PARP9: variants seen among roughly 807,000 people sequenced by gnomAD.
PARP9 encodes the protein poly(ADP-ribose) polymerase family member 9.
A neutral mutation model predicts 68.8 loss-of-function variants in PARP9; 48 were observed. That is an observed-to-expected ratio of 0.70 (90% CI 0.55 to 0.89). PARP9 has a LOEUF of 0.89. Ranked by LOEUF, PARP9 falls within the 40% of genes least tolerant of loss-of-function variation. The pLI, the probability that PARP9 is intolerant of heterozygous loss-of-function variation, is 0.00. For missense variants in PARP9, 806 were observed against 969.3 expected (o/e 0.83, Z 2.24); for synonymous variants, 309 against 333.8 (o/e 0.93, Z 0.81).
intron 5 of PARP9, among the ~76,000 whole-genome samples, chr3:122,552,162 C>G (rs961181437): frequency 4.6e-5 from 7 of 152,004 alleles, no homozygotes; most frequent in Non-Finnish European, 8.8e-5. Flanking sequence ...TCAAGTGATC[C>G]TCCCACCTTG....
intron 8 of PARP9, among the ~76,000 whole-genome samples, chr3:122,538,209 A>G (rs1278906260): frequency 1.3e-5 from 2 of 152,162 alleles, no homozygotes; most frequent in African/African-American, 4.8e-5. Context: ...TCATATTTAT[A>G]AGGTGTAATA....
Position 122,550,472 on chromosome 3 carries a change from A to G in PARP9, c.1326+112T>C. 4 of 876,128 alleles carry G rather than the reference A, an allele frequency of 4.6e-6. No individual in the cohort carries two copies. The South Asian group carries it at 6.7e-5, about 15-fold the overall frequency. The allele number at this position is 876,128 out of a possible 1,614,324, so 54.3% of individuals were successfully genotyped here. A position where few individuals can be genotyped will look rare whatever the true frequency, so the allele number is the denominator to read the frequency against. ...CCAAGTTAGAACACCACCACACTGT[A>G]CAGCACCTAGCCCTGCATCCCCTGC... On this transcript the variant is annotated intron_variant, in intron 6 of 10. Coordinates refer to ENST00000682323, the MANE Select transcript of PARP9 (RefSeq NM_001146105.2).
At chr3:122,556,487 CT>C (rs2079679957) in intron 3 of PARP9, among the ~76,000 whole-genome samples, 2 of 152,222 alleles carry the variant, frequency 1.3e-5, no homozygotes, top group East Asian at 3.9e-4. Flanking sequence ...AAGACCAATG[CT>C]TAGGGCACAG....
At chr3:122,534,193 T>C (rs113623029) in intron 10 of PARP9, 2 of 812,654 alleles carry the variant, frequency 2.5e-6, no homozygotes, top group Non-Finnish European at 3.0e-6. Context: ...AGACATAAAC[T>C]TAACCAGAAG....
At chr3:122,536,581 C>G in intron 9 of PARP9, 1 of 688,448 alleles carries the variant, frequency 1.5e-6, no homozygotes, top group African/African-American at 1.8e-5. Flanking sequence ...ATTCACTGAC[C>G]TAGACATAGT....
chr3:122,534,499 G>A (rs2077505887), intron 10 of PARP9: 1 of 921,440 alleles, frequency 1.1e-6, no homozygotes, highest in African/African-American at 1.8e-5. Context: ...CTTTCAACAT[G>A]AGAGTTTTCA....
Position 122,528,398 on chromosome 3 carries a change from C to G in PARP9, c.2426G>C (p.Trp809Ser). Reference sequence around the variant, plus strand: ...AGGGCTGCCACTTGCGAATCCCCTCCAAGGATGCTGTGCAAAGGGTCTCAT... The same window carrying G: ...AGGGCTGCCACTTGCGAATCCCCTCGAAGGATGCTGTGCAAAGGGTCTCAT... ...GPMRPFAQHP[W>S]RGFASGSPVD Residue 809 changes from tryptophan to serine, a missense_variant, in exon 11 of 11, where the codon TGG (tryptophan) becomes TCG (serine). By Grantham distance (177) the Trp-to-Ser change is radical. This residue lies in a region of PARP9 where 680 missense variants were observed against 858.8 expected (regional missense o/e 0.79). Transcript: ENST00000682323. 13 of 1,614,084 alleles carry G rather than the reference C, an allele frequency of 8.1e-6. No individual in the cohort carries two copies. The highest frequency in any genetic ancestry group is 1.1e-5 in the Non-Finnish European group (13 of 1,179,970).
chr3:122,547,164 G>A (rs1482556285), intron 6 of PARP9, among the ~76,000 whole-genome samples: 8 of 134,882 alleles, frequency 5.9e-5, no homozygotes, highest in East Asian at 4.3e-4. Context: ...GTGCAATCTC[G>A]GGTCACTGCA....
rs1419367879 is a variant in PARP9, at chr3:122,547,003, TATATATATATAC to T, written c.1327-1526_1327-1515del. 1.9e-3 allele frequency among the ~76,000 whole-genome samples: 198 copies of T among 103,264 alleles called. 1 individual carries two copies. The highest frequency in any genetic ancestry group is 0.014 in the East Asian group (41 of 2,964). 67.7% of individuals were successfully genotyped at this position (103,264 alleles called of 152,430 possible). ...ATATATATATATATATATATATATA[TATATATATATAC>T]ACACACACACATACACACACATATA... On this transcript the variant is annotated intron_variant, in intron 6 of 10. Transcript: ENST00000682323.
At chr3:122,543,755 G>T (rs540522804) in intron 7 of PARP9, among the ~76,000 whole-genome samples, 1 of 152,038 alleles carries the variant, frequency 6.6e-6, no homozygotes, top group Non-Finnish European at 1.5e-5. Flanking sequence ...GGGACTATAG[G>T]TATGCACCAC....
At chr3:122,560,031 A>C (rs2080055522) in intron 1 of PARP9, among the ~76,000 whole-genome samples, 1 of 152,178 alleles carries the variant, frequency 6.6e-6, no homozygotes, top group Admixed American at 6.5e-5. Flanking sequence ...TTAGAAGAAG[A>C]GGGTGATAAC....
chr3:122,564,642 G>A, upstream of PARP9: 2 of 1,568,866 alleles, frequency 1.3e-6, no homozygotes, highest in Non-Finnish European at 1.7e-6. Flanking sequence ...GGCTGCGAAA[G>A]CCCTCTGGGG....
chr3:122,561,622 A>C (rs1374033692), intron 1 of PARP9, among the ~76,000 whole-genome samples: 1 of 152,018 alleles, frequency 6.6e-6, no homozygotes, highest in Non-Finnish European at 1.5e-5. Context: ...TGGTTCTTCT[A>C]TTACCCTTCA....
rs576466521 is a variant in PARP9, at chr3:122,552,296, T to C, written c.1107+122A>G. The C allele has an allele frequency of 6.9e-5, 50 of 722,368 alleles. No homozygotes were observed. In the African/African-American group the frequency reaches 8.6e-4, roughly 12 times the overall value. 44.7% of individuals were successfully genotyped at this position (722,368 alleles called of 1,614,324 possible). On this transcript the variant is annotated intron_variant, in intron 5 of 10. Coordinates refer to ENST00000682323, the MANE Select transcript of PARP9 (RefSeq NM_001146105.2). ...CTGGTACTCGCAGGTGTGCTAAAAA[T>C]TGAGAACTATACCACTTGACAAAAT... is the stretch of plus-strand genomic sequence containing the variant.
chr3:122,547,011 TATAC>T (rs202219031), intron 6 of PARP9, among the ~76,000 whole-genome samples: 1,989 of 81,274 alleles, frequency 0.024, 12 homozygotes, highest in Non-Finnish European at 0.032. Context: ...TATATATATA[TATAC>T]ACACACACAC....
At chr3:122,546,619 T>A (rs1299660118) in intron 6 of PARP9, among the ~76,000 whole-genome samples, 6 of 152,178 alleles carry the variant, frequency 3.9e-5, no homozygotes, top group Non-Finnish European at 8.8e-5. Flanking sequence ...CATACCTCCA[T>A]GTGGATATAA....
intron 5 of PARP9, 88 bp downstream of exon 5, chr3:122,552,330 A>T: frequency 2.0e-6 from 2 of 996,648 alleles, no homozygotes; most frequent in African/African-American, 1.6e-5. Flanking sequence ...ATATTTCATG[A>T]ATGTAATGAA....
At chr3:122,550,877 T>C in intron 5 of PARP9, 75 bp from the exon 6 acceptor site, 1 of 1,309,384 alleles carries the variant, frequency 7.6e-7, no homozygotes, top group Admixed American at 2.0e-5. Context: ...ATCCTGCCCA[T>C]ATTTTACAAT....
Position 122,556,138 on chromosome 3 carries a change from GATTAAAAAAAA to G in PARP9, c.50-28_50-18del. On this transcript the variant is annotated intron_variant, in intron 3 of 10. Transcript: ENST00000682323. ...CACCAGTCTCTGGAAAAGAAGAGAA[GATTAAAAAAAA>G]AAAAAAAAAAAAAAAAAAAAAAAAG... 2.5e-5 allele frequency: 2 copies of G among 80,030 alleles called. No homozygotes were observed. Among genetic ancestry groups the G allele is most frequent in the Non-Finnish European group, 4.2e-5 (2 of 47,402 alleles). The allele number at this position is 80,030 out of a possible 1,614,324, so 5.0% of individuals were successfully genotyped here. A position where few individuals can be genotyped will look rare whatever the true frequency, so the allele number is the denominator to read the frequency against.
Sources: gnomAD v4.1 joint callset for allele counts (sites outside exome capture counted in the v4.1 genomes callset) on GRCh38, gnomAD v4.1.1 for gene constraint, gnomAD v4.1.1 regional missense constraint, MANE v1.5 for transcripts, NCBI Gene and HGNC (gene_info 2026-07-23, HGNC 2026-07-21) for gene names.